The following DENND1B variants were observed in gnomAD, a reference collection of about 807,000 sequenced individuals.
The protein encoded by DENND1B is DENN domain-containing protein 1B.
DENND1B carries 59 observed loss-of-function variants against 90.1 expected under a neutral mutation model. That is an observed-to-expected ratio of 0.65 (90% confidence interval 0.53 to 0.81). The LOEUF (loss-of-function observed/expected upper bound fraction) is 0.81, where lower values mean the gene tolerates loss of function less well. Among genes scored for constraint, DENND1B ranks in the 40% least tolerant of loss-of-function variants. The pLI is 0.00. For missense variants in DENND1B, 862 were observed against 912.6 expected (o/e 0.94, Z 0.71); for synonymous variants, 337 against 324.6 (o/e 1.04, Z -0.41).
intron 1 of DENND1B, among the ~76,000 whole-genome samples, chr1:197,773,785 T>C (rs1366128095): frequency 6.6e-6 from 1 of 152,210 alleles, no homozygotes; most frequent in Non-Finnish European, 1.5e-5. Flanking sequence ...AACATTGCTG[T>C]TTAAATCTCT....
intron 5 of DENND1B, among the ~76,000 whole-genome samples, chr1:197,671,278 T>C (rs993265654): frequency 3.3e-5 from 5 of 152,292 alleles, no homozygotes; most frequent in East Asian, 1.9e-4. Flanking sequence ...TCAGGACATA[T>C]TGCAAGAATG....
chr1:197,688,269 C>G (rs1332786902), intron 3 of DENND1B, among the ~76,000 whole-genome samples: 5 of 152,060 alleles, frequency 3.3e-5, no homozygotes, highest in Non-Finnish European at 7.4e-5. Context: ...AGATTCAATG[C>G]AATCCCTATC....
chr1:197,510,741 C>G lies in DENND1B; in HGVS notation c.2047G>C (p.Gly683Arg). The G allele has an allele frequency of 6.2e-7, 1 of 1,612,676 alleles. No individual in the cohort carries two copies. The highest frequency in any genetic ancestry group is 8.5e-7 in the Non-Finnish European group (1 of 1,179,174). ...GADNVSDPTS[G>R]LDFQLTSPEV... is the part of the protein sequence containing the mutation. ...GGGGAAGTGAGTTGGAAATCCAGTC[C>G]TGAAGTAGGGTCACTCACATTGTCA... Residue 683 changes from glycine (G) to arginine (R), a missense_variant, in exon 23 of 23, where the codon GGA becomes CGA. Gly to Arg is a moderately radical substitution (Grantham distance 125, BLOSUM62 -2). Coordinates refer to ENST00000620048, the MANE Select transcript of DENND1B (RefSeq NM_001195215.2).
At chr1:197,524,024 T>TGGAA (rs1422568922) in intron 20 of DENND1B, among the ~76,000 whole-genome samples, 10 of 151,972 alleles carry the variant, frequency 6.6e-5, no homozygotes, top group African/African-American at 2.4e-4. Flanking sequence ...ATGGGCCCAT[T>TGGAA]GGAAGACTAA....
chr1:197,615,127 G>A (rs991898120), intron 11 of DENND1B, among the ~76,000 whole-genome samples: 4 of 151,002 alleles, frequency 2.6e-5, no homozygotes, highest in Non-Finnish European at 5.9e-5. Context: ...ATTACACTGT[G>A]CTGTGTGTGT....
intron 10 of DENND1B, among the ~76,000 whole-genome samples, chr1:197,638,173 G>T (rs1329133799): frequency 1.3e-5 from 2 of 152,104 alleles, no homozygotes; most frequent in Non-Finnish European, 2.9e-5. Flanking sequence ...AATGCCTGGG[G>T]GCAACTATAA....
chr1:197,673,194 T>C (rs1655699311), intron 4 of DENND1B, among the ~76,000 whole-genome samples: 1 of 152,076 alleles, frequency 6.6e-6, no homozygotes, highest in Admixed American at 6.6e-5. Context: ...ATGTGACCTC[T>C]AGTGCCCAAG....
At chr1:197,588,476 T>A (rs1674907721) in intron 14 of DENND1B, among the ~76,000 whole-genome samples, 1 of 152,116 alleles carries the variant, frequency 6.6e-6, no homozygotes, top group Non-Finnish European at 1.5e-5. Context: ...TCAGAAAGAA[T>A]GATAACGTAA....
At position 197,611,027 on chromosome 1, in the gene DENND1B, A is replaced by G. The variant is rs183588262; in HGVS notation, c.819+904T>C. ...CAATATGATCCTCAGGAGTTTTAAA[A>G]TATATCAACAGACTCATCTTTGATC... On this transcript the variant is annotated intron_variant, in intron 12 of 22. Transcript: ENST00000620048. Among the ~76,000 whole-genome samples the G allele has an allele frequency of 3.3e-5, 5 of 150,904 alleles. No homozygotes were observed. The East Asian group carries it at 5.9e-4, about 18-fold the overall frequency.
At chr1:197,676,429 AACAC>A (rs141771179) in intron 3 of DENND1B, among the ~76,000 whole-genome samples, 1 of 150,984 alleles carries the variant, frequency 6.6e-6, no homozygotes, top group Non-Finnish European at 1.5e-5. Context: ...CACATATACA[AACAC>A]ACACACACAC....
At chr1:197,649,796 G>C (rs1441617812) in intron 7 of DENND1B, among the ~76,000 whole-genome samples, 1 of 152,084 alleles carries the variant, frequency 6.6e-6, no homozygotes, top group Non-Finnish European at 1.5e-5. Flanking sequence ...AACCCTTCTA[G>C]ACATTGGCTT....
intron 2 of DENND1B, among the ~76,000 whole-genome samples, chr1:197,767,208 G>A (rs953540910): frequency 6.6e-6 from 1 of 151,720 alleles, no homozygotes; most frequent in African/African-American, 2.4e-5. Flanking sequence ...CCTCAAGCAG[G>A]GCAAACATAC....
intron 21 of DENND1B, among the ~76,000 whole-genome samples, chr1:197,512,246 T>G (rs1284276249): frequency 6.6e-6 from 1 of 151,740 alleles, no homozygotes. Flanking sequence ...CTGAACTACT[T>G]GGAAAGTCTG....
chr1:197,775,518 G>T (rs537589389), upstream of DENND1B: 63 of 177,994 alleles, frequency 3.5e-4, 1 homozygote, highest in South Asian at 7.9e-4. Flanking sequence ...GGGGCGCGCG[G>T]GGACGCGCCC....
intron 2 of DENND1B, among the ~76,000 whole-genome samples, chr1:197,741,995 A>G (rs1663259446): frequency 1.3e-5 from 2 of 152,170 alleles, no homozygotes; most frequent in South Asian, 4.1e-4. Flanking sequence ...AGAAAATCAA[A>G]ATTAATTTAA....
chr1:197,669,871 G>A (rs185202362), intron 5 of DENND1B, among the ~76,000 whole-genome samples: 2 of 151,838 alleles, frequency 1.3e-5, no homozygotes, highest in South Asian at 2.1e-4. Context: ...TGGAATACAC[G>A]ATTTTACTTT....
intron 11 of DENND1B, 21 bp from the exon 12 acceptor site, chr1:197,611,997 T>C (rs749931267): frequency 1.3e-6 from 2 of 1,576,526 alleles, no homozygotes; most frequent in Non-Finnish European, 1.7e-6. Context: ...AATATATATA[T>C]GCATAGATTC....
Position 197,775,010 on chromosome 1 carries a change from C to G in DENND1B, c.17+129G>C, listed in dbSNP as rs1324954613. The G allele has an allele frequency of 5.4e-6, 3 of 554,876 alleles. No homozygotes were observed. The African/African-American group carries it at 6.0e-5, about 11-fold the overall frequency. The allele number at this position is 554,876 out of a possible 1,614,324, so 34.4% of individuals were successfully genotyped here. ...GAGGCTTGGGGGCCGGACCGCACCC[C>G]CAGCCCGCCCGGCCAACCTCGGCCG... On this transcript the variant is annotated intron_variant, in intron 1 of 22. Coordinates refer to ENST00000620048, the MANE Select transcript of DENND1B (RefSeq NM_001195215.2).
chr1:197,666,454 A>C (rs1294886622), intron 5 of DENND1B, among the ~76,000 whole-genome samples: 1 of 152,222 alleles, frequency 6.6e-6, no homozygotes, highest in Non-Finnish European at 1.5e-5. Flanking sequence ...TTTATCTTTT[A>C]AACTTCTCTG....
Sources: allele counts gnomAD v4.1 joint callset (sites outside exome capture counted in the v4.1 genomes callset), GRCh38; gene constraint gnomAD v4.1.1; transcripts MANE v1.5; gene names NCBI Gene and HGNC (gene_info 2026-07-23, HGNC 2026-07-21).